Variants in NRSN1 observed in about 807,000 individuals in gnomAD.
NRSN1 encodes the protein neurensin-1.
In NRSN1, 14 loss-of-function variants were observed where a neutral mutation model predicts 17.3. The ratio of observed to expected loss-of-function variants is 0.81; its 90% confidence interval spans 0.54 to 1.27. The LOEUF (loss-of-function observed/expected upper bound fraction) is 1.27. Ranked by LOEUF, NRSN1 falls within the 50% of genes most tolerant of loss-of-function variation. The pLI is 0.00. For missense variants in NRSN1, 209 were observed against 235.9 expected (o/e 0.89, Z 0.75); for synonymous variants, 79 against 94.2 (o/e 0.84, Z 0.93).
At chr6:24,135,783 C>T (rs927366161) in intron 3 of NRSN1, among the ~76,000 whole-genome samples, 2 of 152,104 alleles carry the variant, frequency 1.3e-5, no homozygotes, top group African/African-American at 2.4e-5. Flanking sequence ...CTTCTGAGAT[C>T]ATCCAGGAGA....
chr6:24,144,224 C>G (rs1468142929), intron 3 of NRSN1, among the ~76,000 whole-genome samples: 1 of 152,200 alleles, frequency 6.6e-6, no homozygotes, highest in Non-Finnish European at 1.5e-5. Context: ...AGCTGTCCAT[C>G]TTTGGTCCAT....
At chr6:24,142,842 G>C (rs1385083592) in intron 3 of NRSN1, among the ~76,000 whole-genome samples, 1 of 152,156 alleles carries the variant, frequency 6.6e-6, no homozygotes, top group South Asian at 2.1e-4. Flanking sequence ...GCTTCCACAG[G>C]GTGGAAAGAG....
At chr6:24,142,076 G>T (rs1760214594) in intron 3 of NRSN1, among the ~76,000 whole-genome samples, 1 of 151,272 alleles carries the variant, frequency 6.6e-6, no homozygotes, top group African/African-American at 2.4e-5. Flanking sequence ...ATAATGGTTA[G>T]TCTTGGAAGG....
chr6:24,145,078 ATATAT>A lies in NRSN1; in HGVS notation c.190-464_190-460del, dbSNP rs1038347216. On this transcript the variant is annotated intron_variant, in intron 3 of 3. Coordinates refer to ENST00000378491, the MANE Select transcript of NRSN1 (RefSeq NM_080723.5). This position sits in a 1 kb window ranked among gnomAD's most constrained non-coding sequence, Gnocchi z 4.4. ...TAATATATATCTTTAGGTATATAAT[ATATAT>A]TATATATTTTATATATATCTTTAGA... 7.6e-5 allele frequency among the ~76,000 whole-genome samples: 11 copies of A among 145,088 alleles called. No homozygotes were observed. The highest frequency in any genetic ancestry group is 2.0e-4 in the East Asian group (1 of 5,128).
chr6:24,140,740 C>T (rs1561867424), intron 3 of NRSN1, among the ~76,000 whole-genome samples: 2 of 152,222 alleles, frequency 1.3e-5, no homozygotes, highest in African/African-American at 2.4e-5. Flanking sequence ...AGAACAGCTG[C>T]GCCGCGACTG....
Position 24,134,403 on chromosome 6 carries a change from G to A in NRSN1, c.76G>A (p.Val26Ile). 3 of 1,614,166 alleles carry A rather than the reference G, an allele frequency of 1.9e-6. No individual in the cohort carries two copies. Among genetic ancestry groups the A allele is most frequent in the Non-Finnish European group, 2.5e-6 (3 of 1,180,018 alleles). The change falls in exon 3 of 4, where the codon GTC becomes ATC. Residue 26 changes from valine to isoleucine, a missense_variant. Transcript: ENST00000378491. ...AAEGGYQRYG[V>I]RSYLHQFYED... is the part of the protein sequence containing the mutation. ...TGAGGGTGGTTACCAGCGCTATGGA[G>A]TCCGGTCCTACCTGCACCAGTTTTA...
chr6:24,128,625 G>T (rs953395794), intron 2 of NRSN1: 1 of 152,180 alleles, frequency 6.6e-6, no homozygotes. Flanking sequence ...TCCCCTATGA[G>T]TCTGACTGAA....
intron 3 of NRSN1, among the ~76,000 whole-genome samples, chr6:24,139,740 A>C (rs1030914272): frequency 1.3e-5 from 2 of 152,186 alleles, no homozygotes; most frequent in Admixed American, 1.3e-4. Context: ...GAACATAGTG[A>C]ATAAGAATAG....
intron 1 of NRSN1, among the ~76,000 whole-genome samples, chr6:24,127,246 C>A (rs903603769): frequency 6.6e-6 from 1 of 152,158 alleles, no homozygotes; most frequent in African/African-American, 2.4e-5. Context: ...TCCCCCAAAT[C>A]TGCCCACACA....
chr6:24,143,490 G>A (rs1487116789), intron 3 of NRSN1, among the ~76,000 whole-genome samples: 2 of 152,036 alleles, frequency 1.3e-5, no homozygotes, highest in Non-Finnish European at 2.9e-5. Context: ...TTGTGGATAC[G>A]TTTTCCTTCT....
At chr6:24,138,814 T>C (rs891335855) in intron 3 of NRSN1, among the ~76,000 whole-genome samples, 16 of 152,358 alleles carry the variant, frequency 1.1e-4, no homozygotes, top group Non-Finnish European at 5.9e-5. Context: ...AGTTTTATAC[T>C]AGAGATGAGA....
At chr6:24,142,213 T>TTTTTTTTTTTTTTTTTTTC (rs957826257) in intron 3 of NRSN1, among the ~76,000 whole-genome samples, 1 of 132,540 alleles carries the variant, frequency 7.5e-6, no homozygotes, top group Non-Finnish European at 1.6e-5. Flanking sequence ...TTTTTTTTTT[T>TTTTTTTTTTTTTTTTTTTC]TCAGAAGACA....
chr6:24,145,029 T>C lies in NRSN1; in HGVS notation c.190-519T>C, dbSNP rs988957075. ...TATTTACATATTACATATCTACTTT[T>C]AGATATATGATATATATTATATATA... On this transcript the variant is annotated intron_variant, in intron 3 of 3. Coordinates refer to ENST00000378491, the MANE Select transcript of NRSN1 (RefSeq NM_080723.5). This position sits in a 1 kb window ranked among gnomAD's most constrained non-coding sequence, Gnocchi z 4.4. 6.9e-6 allele frequency among the ~76,000 whole-genome samples: 1 copy of C among 144,422 alleles called. No homozygotes were observed. The highest frequency in any genetic ancestry group is 7.1e-5 in the Admixed American group (1 of 14,080). The allele number at this position is 144,422 out of a possible 152,430, so 94.7% of individuals were successfully genotyped here.
At position 24,132,910 on chromosome 6, in the gene NRSN1, C is replaced by T. The variant is rs1328825921; in HGVS notation, c.-9-1409C>T. ...GTGTCACTGTGTTACCATCTGTGTA[C>T]AGGATAATTTAAAAATCCAAACACG... is the stretch of plus-strand genomic sequence containing the variant. On this transcript the variant is annotated intron_variant, in intron 2 of 3. Coordinates refer to ENST00000378491, the MANE Select transcript of NRSN1 (RefSeq NM_080723.5). 2.0e-5 allele frequency among the ~76,000 whole-genome samples: 3 copies of T among 152,166 alleles called. No individual in the cohort carries two copies. The East Asian group carries it at 5.8e-4, about 29-fold the overall frequency.
At chr6:24,140,266 C>G (rs1216381282) in intron 3 of NRSN1, among the ~76,000 whole-genome samples, 1 of 152,108 alleles carries the variant, frequency 6.6e-6, no homozygotes, top group Non-Finnish European at 1.5e-5. Context: ...GGACGCAGAG[C>G]TGGAGAATTG....
chr6:24,135,632 TG>T (rs1328168006), intron 3 of NRSN1, among the ~76,000 whole-genome samples: 1 of 152,140 alleles, frequency 6.6e-6, no homozygotes, highest in Non-Finnish European at 1.5e-5. Flanking sequence ...TTAGTGGAGA[TG>T]GTGAAAAGTA....
At chr6:24,126,626 G>A (rs1015202600) in intron 1 of NRSN1, among the ~76,000 whole-genome samples, 33 of 152,174 alleles carry the variant, frequency 2.2e-4, no homozygotes, top group Non-Finnish European at 1.6e-4. Flanking sequence ...GGTGGGGCAC[G>A]AGGGGCGTAC....
intron 2 of NRSN1, chr6:24,128,763 T>C (rs964829788): frequency 6.6e-6 from 1 of 152,206 alleles, no homozygotes; most frequent in Non-Finnish European, 1.5e-5. Flanking sequence ...TCAGTCTCAT[T>C]ATCTCAGAAT....
chr6:24,135,454 G>A, intron 3 of NRSN1, among the ~76,000 whole-genome samples: 1 of 152,138 alleles, frequency 6.6e-6, no homozygotes, highest in East Asian at 1.9e-4. Context: ...GTGAGAAAAG[G>A]GACAGGCAAT....
Sources: allele counts gnomAD v4.1 joint callset (sites outside exome capture counted in the v4.1 genomes callset), GRCh38; gene constraint gnomAD v4.1.1; non-coding constraint Gnocchi (gnomAD v3.1); transcripts MANE v1.5; gene names NCBI Gene and HGNC (gene_info 2026-07-23, HGNC 2026-07-21).